TRPV1: variants seen among roughly 807,000 people sequenced by gnomAD.
The protein encoded by TRPV1 is transient receptor potential cation channel subfamily V member 1, also known as OTRPC1.
In TRPV1, 82 loss-of-function variants were observed where a neutral mutation model predicts 82.3. The observed-to-expected ratio is 1.00, with a 90% CI of 0.83 to 1.20. The LOEUF is 1.20. TRPV1 is among the 50% of genes most tolerant of loss of function. The pLI is 0.00. For synonymous variants in TRPV1, 515 were observed against 467.7 expected, an observed-to-expected ratio of 1.10 and a Z score of -1.30; for missense variants, 1,067 against 1,096.8, an observed-to-expected ratio of 0.97 and a Z score of 0.38.
chr17:3,588,319 G>A lies in TRPV1; in HGVS notation c.1093C>T (p.His365Tyr), dbSNP rs994051072. Residue 365 changes from histidine (H) to tyrosine (Y), a missense_variant, in exon 8 of 17, where the codon CAC becomes TAC. Physicochemically the swap from His to Tyr is moderately conservative, Grantham distance 83 (BLOSUM62 2). Transcript: ENST00000572705. ...CACTCGGTGAACTTCCTGGACAGGT[G>A]CCTGCACTCGGGCTCCTGGATCTCC... The part of the protein sequence containing the change: ...QREIQEPECR[H>Y]LSRKFTEWAY... 2.6e-6 allele frequency: 4 copies of A among 1,568,000 alleles called. No individual in the cohort carries two copies. Among genetic ancestry groups the A allele is most frequent in the African/African-American group, 2.7e-5 (2 of 73,608 alleles).
At chr17:3,588,417 TCAGA>T in intron 7 of TRPV1, 50 bp from the exon 8 acceptor site, 2 of 1,533,596 alleles carry the variant, frequency 1.3e-6, no homozygotes, top group Non-Finnish European at 1.8e-6. Flanking sequence ...AGGCTCAGCC[TCAGA>T]CAGTACCTCA....
intron 16 of TRPV1, among the ~76,000 whole-genome samples, chr17:3,568,183 G>A (rs1044872505): frequency 9.2e-5 from 14 of 151,620 alleles, no homozygotes; most frequent in South Asian, 2.1e-4. Context: ...TTAGCCGGGC[G>A]TAGTGGCGGG....
At chr17:3,571,432 C>A in intron 16 of TRPV1, 92 bp downstream of exon 16, 2 of 1,030,286 alleles carry the variant, frequency 1.9e-6, no homozygotes, top group Non-Finnish European at 2.9e-6. Flanking sequence ...GGATGAGGAA[C>A]CCGGCAAGGC....
In TRPV1 at chr17:3,577,582, G is replaced by A; in HGVS notation, c.1713+16C>T. 1 of 1,565,654 alleles carries A rather than the reference G, an allele frequency of 6.4e-7. No homozygotes were observed. Among genetic ancestry groups the A allele is most frequent in the Non-Finnish European group, 8.7e-7 (1 of 1,155,376 alleles). Reference sequence around the variant, plus strand: ...AGCGGGCTCTGAGGAGACCCACTGGGGCCCAGGGAACCCACCTTCTCTATC... The same window carrying A: ...AGCGGGCTCTGAGGAGACCCACTGGAGCCCAGGGAACCCACCTTCTCTATC... On this transcript the variant is annotated intron_variant, in intron 12 of 16. Coordinates refer to ENST00000572705, the MANE Select transcript of TRPV1 (RefSeq NM_080704.4).
intron 14 of TRPV1, among the ~76,000 whole-genome samples, chr17:3,572,589 G>C (rs1348576299): frequency 6.6e-6 from 1 of 152,218 alleles, no homozygotes; most frequent in Non-Finnish European, 1.5e-5. Context: ...CCACGAGTGA[G>C]ACTGCCTGGG....
At chr17:3,572,094 CCT>C (rs2074861693) in intron 15 of TRPV1, 26 bp downstream of exon 15, 2 of 1,607,758 alleles carry the variant, frequency 1.2e-6, no homozygotes, top group South Asian at 1.1e-5. Context: ...GCTCCCAAGC[CCT>C]GATTCAGGTG....
intron 8 of TRPV1, among the ~76,000 whole-genome samples, chr17:3,587,116 G>T (rs2075094564): frequency 1.3e-5 from 2 of 151,950 alleles, no homozygotes; most frequent in Non-Finnish European, 2.9e-5. Flanking sequence ...GTCAGTGGTG[G>T]TCCCAGAGCC....
intron 2 of TRPV1, among the ~76,000 whole-genome samples, chr17:3,594,163 C>A (rs1448629738): frequency 4.8e-4 from 59 of 122,156 alleles, no homozygotes; most frequent in East Asian, 3.3e-3. Flanking sequence ...GAAGCAGCAG[C>A]AGCAGCAGCA....
At chr17:3,586,047 G>T in intron 8 of TRPV1, 121 bp from the exon 9 acceptor site, 1 of 1,318,100 alleles carries the variant, frequency 7.6e-7, no homozygotes, top group Non-Finnish European at 1.0e-6. Flanking sequence ...CACGGAGCAG[G>T]TGAGATGGGA....
chr17:3,569,633 G>T (rs1181723989), intron 16 of TRPV1, among the ~76,000 whole-genome samples: 1 of 152,186 alleles, frequency 6.6e-6, no homozygotes, highest in Non-Finnish European at 1.5e-5. Context: ...AGAATCTGTG[G>T]ATCAGAGCAC....
Position 3,572,120 on chromosome 17 carries a change from A to G in TRPV1, c.2231+2T>C. 6.2e-7 allele frequency: 1 copy of G among 1,612,832 alleles called. No homozygotes were observed. The highest frequency in any genetic ancestry group is 8.5e-7 in the Non-Finnish European group (1 of 1,179,226). On this transcript the variant is annotated splice_donor_variant, in intron 15 of 16. Transcript: ENST00000572705. LOFTEE classifies it high-confidence loss of function. ...CTGATTCAGGTGGAGCCTGGGCATT[A>G]CCTGAAGCACCACCGGTAGTCGTCC... is the stretch of plus-strand genomic sequence containing the variant.
rs766009333 is a variant in TRPV1, at chr17:3,569,750, G to GTGAC, written c.2347+1770_2347+1773dup. On this transcript the variant is annotated intron_variant, in intron 16 of 16. Coordinates refer to ENST00000572705, the MANE Select transcript of TRPV1 (RefSeq NM_080704.4). ...GAGCTGAGCTGTGCTAGCTCATGGT[G>GTGAC]TGACTGCATGAGGGTGATCAGAGAG... Among the ~76,000 whole-genome samples the GTGAC allele has an allele frequency of 5.1e-4, 78 of 152,326 alleles. 1 individual carries two copies. The highest frequency in any genetic ancestry group is 3.4e-3 in the Middle Eastern group (1 of 294).
chr17:3,579,973 G>A (rs2074984365), intron 11 of TRPV1, among the ~76,000 whole-genome samples: 1 of 152,106 alleles, frequency 6.6e-6, no homozygotes, highest in Non-Finnish European at 1.5e-5. Context: ...CCAGGCAGCT[G>A]CGAGTAGAGG....
chr17:3,596,444 G>A (rs962510681), intron 2 of TRPV1, among the ~76,000 whole-genome samples: 2 of 152,156 alleles, frequency 1.3e-5, no homozygotes, highest in Non-Finnish European at 1.5e-5. Context: ...AGTAGGCTGC[G>A]GGCTTCCCAA....
At position 3,592,189 on chromosome 17, in the gene TRPV1, G is replaced by C; in HGVS notation, c.162C>G (p.Asp54Glu). 1 of 1,613,522 alleles carries C rather than the reference G, an allele frequency of 6.2e-7. No homozygotes were observed. The highest frequency in any genetic ancestry group is 8.5e-7 in the Non-Finnish European group (1 of 1,179,694). ...AATCCACCGGGAAAGCCTCCTCCGAGTCACCCTTCCCAAAGAGCCGGGTGC... is the reference window on the plus strand; with the variant it reads ...AATCCACCGGGAAAGCCTCCTCCGACTCACCCTTCCCAAAGAGCCGGGTGC... ...KSRTRLFGKG[D>E]SEEAFPVDCP... is the part of the protein sequence containing the mutation. The change falls in exon 3 of 17, where the codon GAC (aspartate) becomes GAG (glutamate). Residue 54 changes from aspartate to glutamate, a missense_variant. Asp to Glu is a conservative substitution (Grantham distance 45). Transcript: ENST00000572705.
At position 3,585,877 on chromosome 17, in the gene TRPV1, TC is replaced by T; in HGVS notation, c.1273del (p.Asp425ThrfsTer22). On this transcript the variant is annotated frameshift_variant, in exon 9 of 17. Coordinates refer to ENST00000572705, the MANE Select transcript of TRPV1 (RefSeq NM_080704.4). LOFTEE classifies it high-confidence loss of function. The part of the protein sequence containing the change: ...LVEPLNRLLQ[D>X]KWDRFVKRIF... ...GCGCTTGACGAATCTGTCCCACTTG[TC>T]CTGCAGGAGTCGGTTCAGCGGCTCC... 1 of 1,613,938 alleles carries T rather than the reference TC, an allele frequency of 6.2e-7. No homozygotes were observed. Among genetic ancestry groups the T allele is most frequent in the Non-Finnish European group, 8.5e-7 (1 of 1,179,860 alleles).
In TRPV1 at chr17:3,565,717, T is replaced by A. The variant is rs564183909; in HGVS notation, c.*1098A>T. On this transcript the variant is annotated 3_prime_UTR_variant, in exon 17 of 17. Coordinates refer to ENST00000572705, the MANE Select transcript of TRPV1 (RefSeq NM_080704.4). Reference sequence around the variant, plus strand: ...GCTGGGAGTGGGACAGCCTCCCCCATCTTCTCCAGGGAGGAAACACCAACA... The same window carrying A: ...GCTGGGAGTGGGACAGCCTCCCCCAACTTCTCCAGGGAGGAAACACCAACA... 6.6e-6 allele frequency: 1 copy of A among 152,226 alleles called. No individual in the cohort carries two copies. Among genetic ancestry groups the A allele is most frequent in the African/African-American group, 2.4e-5 (1 of 41,484 alleles). 9.4% of individuals were successfully genotyped at this position (152,226 alleles called of 1,614,324 possible). A position where few individuals can be genotyped will look rare whatever the true frequency, so the allele number is the denominator to read the frequency against.
intron 9 of TRPV1, among the ~76,000 whole-genome samples, chr17:3,583,866 CT>C (rs1357694805): frequency 2.0e-5 from 3 of 152,348 alleles, no homozygotes; most frequent in Non-Finnish European, 4.4e-5. Context: ...GCCACACACA[CT>C]TGTGGGTGTC....
chr17:3,573,870 C>T lies in TRPV1; in HGVS notation c.1866G>A (p.Arg622=), dbSNP rs755123577. 1 of 1,610,662 alleles carries T rather than the reference C, an allele frequency of 6.2e-7. No individual in the cohort carries two copies. Among genetic ancestry groups the T allele is most frequent in the Non-Finnish European group, 8.5e-7 (1 of 1,179,178 alleles). The change falls in exon 14 of 17, where the codon AGG becomes AGA. Residue 622 remains arginine, a synonymous_variant. Transcript: ENST00000572705. Reference sequence around the variant, plus strand: ...GGCTGTTGTAGGAGCTATCGGGGGGCCTGCAGGCAGGCCCCCGCCACCTGT... The same window carrying T: ...GGCTGTTGTAGGAGCTATCGGGGGGTCTGCAGGCAGGCCCCCGCCACCTGT... ...TSHRWRGPAC[R]PPDSSYNSLY... is the part of the protein sequence containing the mutation.
Sources: gnomAD v4.1 joint callset for allele counts (sites outside exome capture counted in the v4.1 genomes callset) on GRCh38, gnomAD v4.1.1 for gene constraint, MANE v1.5 for transcripts, NCBI Gene and HGNC (gene_info 2026-07-23, HGNC 2026-07-21) for gene names.